Variants in CLCN5 observed in about 807,000 individuals in gnomAD.
CLCN5 encodes Cl-/H+ antiporter 5, also known as H(+)/Cl(-) exchange transporter 5.
CLCN5 carries 17 observed loss-of-function variants against 54.0 expected under a neutral mutation model. The ratio of observed to expected loss-of-function variants is 0.31; its 90% CI spans 0.22 to 0.47. The LOEUF (loss-of-function observed/expected upper bound fraction) is 0.47, where lower values mean the gene tolerates loss of function less well. Ranked by LOEUF, CLCN5 falls within the 20% of genes least tolerant of loss-of-function variation. The pLI is 1.00. For missense variants in CLCN5, 448 were observed against 646.7 expected (o/e 0.69, Z 3.33); for synonymous variants, 222 against 233.0 (o/e 0.95, Z 0.43).
intron 6 of CLCN5, among the ~76,000 whole-genome samples, chrX:50,074,005 C>T (rs1341641074): frequency 9.0e-6 from 1 of 111,337 alleles, no homozygotes; most frequent in Non-Finnish European, 1.9e-5. Flanking sequence ...TAATAATAGA[C>T]TGGGTGGTCT....
chrX:49,984,937 A>G (rs1345257164), intron 3 of CLCN5, among the ~76,000 whole-genome samples: 1 of 108,265 alleles, frequency 9.2e-6, no homozygotes, highest in Admixed American at 9.8e-5. Flanking sequence ...TTTCTTTGGT[A>G]TATTTAGATT....
intron 3 of CLCN5, among the ~76,000 whole-genome samples, chrX:49,939,025 A>G (rs2147267356): frequency 9.2e-6 from 1 of 108,696 alleles, no homozygotes; most frequent in Admixed American, 1.0e-4. Context: ...CAGCCAAGAA[A>G]CACATGAAAA....
intron 4 of CLCN5, among the ~76,000 whole-genome samples, chrX:50,060,323 G>A (rs1336225935): frequency 2.7e-5 from 3 of 110,716 alleles, no homozygotes; most frequent in Non-Finnish European, 5.7e-5. Context: ...GCTGAAGCAG[G>A]GCGAGGCATT....
chrX:50,080,900 G>C (rs782415635), intron 8 of CLCN5, among the ~76,000 whole-genome samples, 184 bp downstream of exon 8: 97 of 111,468 alleles, frequency 8.7e-4, no homozygotes, highest in African/African-American at 2.9e-3. Context: ...GGAAATTAAA[G>C]GGAGTTGATT....
At chrX:49,932,721 A>G (rs1557169043) in intron 3 of CLCN5, among the ~76,000 whole-genome samples, 2 of 112,700 alleles carry the variant, frequency 1.8e-5, no homozygotes, top group Non-Finnish European at 1.9e-5. Flanking sequence ...AAAGATGGCA[A>G]ATTACACTGT....
At chrX:49,955,962 C>A (rs1403746373) in intron 3 of CLCN5, among the ~76,000 whole-genome samples, 1 of 111,650 alleles carries the variant, frequency 9.0e-6, no homozygotes, top group Non-Finnish European at 1.9e-5. Context: ...CTGGGAAAGC[C>A]AAAAACCAAT....
At chrX:50,009,576 AG>A in intron 3 of CLCN5, 1 of 313,011 alleles carries the variant, frequency 3.2e-6, no homozygotes, top group South Asian at 2.9e-5. Context: ...GGCCTTGTGC[AG>A]GGGGATGAAT....
intron 4 of CLCN5, among the ~76,000 whole-genome samples, chrX:50,062,921 C>A (rs1481025914): frequency 9.2e-6 from 1 of 108,429 alleles, no homozygotes; most frequent in African/African-American, 3.5e-5. Flanking sequence ...GGGTAAATAA[C>A]GAAATGAAGG....
Position 50,091,688 on chromosome X carries a change from G to T in CLCN5, c.2361-441G>T, listed in dbSNP as rs1405662983. ...AAGGAGCAGACAGTGTTTTAAGGAA[G>T]GCAAGAACCTAGCAGTGGTTATAGT... On this transcript the variant is annotated intron_variant, in intron 14 of 14. Coordinates refer to ENST00000376091, the MANE Select transcript of CLCN5 (RefSeq NM_001127898.4). Among the ~76,000 whole-genome samples the T allele has an allele frequency of 3.6e-5, 4 of 111,687 alleles. No individual in the cohort carries two copies. In the East Asian group the frequency reaches 1.1e-3, roughly 31 times the overall value.
At chrX:49,966,298 G>C (rs782522168) in intron 3 of CLCN5, among the ~76,000 whole-genome samples, 1 of 111,093 alleles carries the variant, frequency 9.0e-6, no homozygotes, top group African/African-American at 3.2e-5. Flanking sequence ...TTGGTAATTT[G>C]TGTGTTTCAC....
chrX:50,088,152 A>G (rs1288501799), intron 11 of CLCN5, among the ~76,000 whole-genome samples: 1 of 112,192 alleles, frequency 8.9e-6, no homozygotes, highest in African/African-American at 3.2e-5. Flanking sequence ...TTCCATTTAA[A>G]TCCCAGCACC....
chrX:49,946,761 T>C (rs1031152063), intron 3 of CLCN5, among the ~76,000 whole-genome samples: 1 of 111,808 alleles, frequency 8.9e-6, no homozygotes, highest in Non-Finnish European at 1.9e-5. Context: ...CCTTATGGTC[T>C]GTCTGCTATA....
chrX:50,006,637 G>A (rs782231966), intron 3 of CLCN5, among the ~76,000 whole-genome samples: 1 of 111,743 alleles, frequency 8.9e-6, no homozygotes, highest in South Asian at 3.8e-4. Flanking sequence ...TGGGGTACAG[G>A]TGCCTGAGCC....
At chrX:50,032,423 G>T (rs1216328244) in intron 3 of CLCN5, among the ~76,000 whole-genome samples, 3 of 111,060 alleles carry the variant, frequency 2.7e-5, no homozygotes, top group Non-Finnish European at 3.8e-5. Context: ...TAACTGGTGT[G>T]AGATGGTATC....
intron 3 of CLCN5, among the ~76,000 whole-genome samples, chrX:50,034,266 A>G (rs1317961860): frequency 8.9e-6 from 1 of 112,310 alleles, no homozygotes; most frequent in East Asian, 2.8e-4. Context: ...AGCTCAAAGT[A>G]TAGTGGGTAG....
At position 50,090,256 on chromosome X, in the gene CLCN5, G is replaced by A; in HGVS notation, c.1885G>A (p.Asp629Asn). The change falls in exon 13 of 15, where the codon GAT becomes AAT. Residue 629 changes from aspartate to asparagine, a missense_variant. By Grantham distance (23) the Asp-to-Asn change is conservative. Coordinates refer to ENST00000376091, the MANE Select transcript of CLCN5 (RefSeq NM_001127898.4). ...ADALGREGIY[D>N]AHIRLNGYPF... The stretch of plus-strand genomic sequence containing the variant: ...TGCTCTTGGGCGGGAGGGCATCTAT[G>A]ATGCCCACATCCGTCTCAATGGATA... 8.3e-7 allele frequency: 1 copy of A among 1,211,976 alleles called. No individual in the cohort carries two copies. The highest frequency in any genetic ancestry group is 1.1e-6 in the Non-Finnish European group (1 of 895,503).
At chrX:49,940,485 C>A (rs1157791670) in intron 3 of CLCN5, among the ~76,000 whole-genome samples, 18 of 111,889 alleles carry the variant, frequency 1.6e-4, no homozygotes, top group Admixed American at 1.5e-3. Context: ...AACTCTCTAA[C>A]CATGTCTCTA....
At position 50,037,737 on chromosome X, in the gene CLCN5, C is replaced by A. The variant is rs188158600; in HGVS notation, c.17-4579C>A. On this transcript the variant is annotated intron_variant, in intron 3 of 14. Coordinates refer to ENST00000376091, the MANE Select transcript of CLCN5 (RefSeq NM_001127898.4). ...GGTACATATATAGGAAGAGAAAAGA[C>A]TAAATTGAGCCTTGTTATGTTGGAT... 2.5e-4 allele frequency among the ~76,000 whole-genome samples: 28 copies of A among 111,923 alleles called. No homozygotes were observed. The Admixed American group carries it at 2.7e-3, about 11-fold the overall frequency.
At chrX:49,934,040 C>G (rs1557169233) in intron 3 of CLCN5, among the ~76,000 whole-genome samples, 1 of 110,619 alleles carries the variant, frequency 9.0e-6, no homozygotes. Flanking sequence ...AGGACTAGAC[C>G]CTGGGGCTCC....
Sources: gnomAD v4.1 joint callset for allele counts (sites outside exome capture counted in the v4.1 genomes callset) on GRCh38, gnomAD v4.1.1 for gene constraint, MANE v1.5 for transcripts, NCBI Gene and HGNC (gene_info 2026-07-23, HGNC 2026-07-21) for gene names.